TJP1: variants seen among roughly 807,000 people sequenced by gnomAD.
TJP1 encodes tight junction protein 1, also known as tight junction protein ZO-1.
Under a neutral mutation model 194.2 loss-of-function variants are expected in TJP1, and 43 were observed. The observed-to-expected ratio is 0.22, with a 90% confidence interval of 0.17 to 0.29. The LOEUF (loss-of-function observed/expected upper bound fraction) is 0.29, where lower values mean the gene tolerates loss of function less well. Ranked by LOEUF, TJP1 falls within the 10% of genes least tolerant of loss-of-function variation. The pLI is 1.00. For missense variants in TJP1, 1,971 were observed against 2,185.7 expected (o/e 0.90, Z 1.96); for synonymous variants, 801 against 779.0 (o/e 1.03, Z -0.47).
intron 2 of TJP1, among the ~76,000 whole-genome samples, chr15:29,845,442 T>C (rs898556163): frequency 2.0e-5 from 3 of 151,894 alleles, no homozygotes; most frequent in South Asian, 4.2e-4. Context: ...GATAACAATA[T>C]AGGTGGAGTG....
At chr15:29,922,649 T>C (rs2054402741) in intron 2 of TJP1, among the ~76,000 whole-genome samples, 1 of 152,110 alleles carries the variant, frequency 6.6e-6, no homozygotes, top group Non-Finnish European at 1.5e-5. Flanking sequence ...AGAATAAATA[T>C]TTTGAAGAGT....
At chr15:29,957,820 A>T (rs143632685) in intron 1 of TJP1, among the ~76,000 whole-genome samples, 1 of 152,334 alleles carries the variant, frequency 6.6e-6, no homozygotes, top group African/African-American at 2.4e-5. Flanking sequence ...ACATGCTGAT[A>T]GGTAATACCT....
intron 2 of TJP1, among the ~76,000 whole-genome samples, chr15:29,781,242 G>A (rs1021312548): frequency 6.6e-6 from 1 of 151,974 alleles, no homozygotes; most frequent in African/African-American, 2.4e-5. Flanking sequence ...ATAAATTCCT[G>A]GACAAACCCA....
rs1365150465 is a variant in TJP1 at position 29,708,802 on chromosome 15, G to A, written c.4607C>T (p.Ala1536Val). The change falls in exon 25 of 28, where the codon GCC (alanine) becomes GTC (valine). Residue 1536 changes from alanine (A) to valine (V), a missense_variant. Physicochemically the swap from Ala to Val is moderately conservative, Grantham distance 64 (BLOSUM62 0). This residue lies in a region of TJP1 where 1,108 missense variants were observed against 1,128.5 expected (regional missense o/e 0.98). Coordinates refer to ENST00000614355, the MANE Select transcript of TJP1 (RefSeq NM_001330239.4). Reference protein sequence around the residue: ...RFTPKPYTSSARPFERKFESP... With the variant: ...RFTPKPYTSSVRPFERKFESP... ...TTCAAACTTGCGTTCAAATGGTCGG[G>A]CAGAACTTGTATATGGTTTTGGTGT... The A allele has an allele frequency of 6.2e-7, 1 of 1,614,184 alleles. No individual in the cohort carries two copies. Among genetic ancestry groups the A allele is most frequent in the Admixed American group, 1.7e-5 (1 of 60,022 alleles).
rs1438923567 is a variant in TJP1 at position 29,822,150 on chromosome 15, G to A, written c.-122C>T. 2 of 1,190,514 alleles carry A rather than the reference G, an allele frequency of 1.7e-6. No homozygotes were observed. The highest frequency in any genetic ancestry group is 3.4e-5 in the East Asian group (1 of 29,054). 73.7% of individuals were successfully genotyped at this position (1,190,514 alleles called of 1,614,324 possible). Reference sequence around the variant, plus strand: ...CCGAGAGCGAGCGGGGCACGGGCGGGGGCGGCCGGAAGGGCCCGGCCCAGG... The same window carrying A: ...CCGAGAGCGAGCGGGGCACGGGCGGAGGCGGCCGGAAGGGCCCGGCCCAGG... On this transcript the variant is annotated 5_prime_UTR_variant, in exon 1 of 28. Coordinates refer to ENST00000614355, the MANE Select transcript of TJP1 (RefSeq NM_001330239.4).
chr15:29,814,464 TTACATAC>T (rs1253625437), intron 1 of TJP1, among the ~76,000 whole-genome samples: 1 of 152,166 alleles, frequency 6.6e-6, no homozygotes, highest in East Asian at 1.9e-4. Flanking sequence ...AATTTTAAAA[TTACATAC>T]TAAATTAAGT....
intron 1 of TJP1, among the ~76,000 whole-genome samples, chr15:29,815,624 T>A (rs541291282): frequency 5.7e-4 from 87 of 152,346 alleles, no homozygotes; most frequent in Admixed American, 1.2e-3. Context: ...GCACTACACA[T>A]GAATTTACAG....
At chr15:29,850,378 T>C (rs575898293) in intron 2 of TJP1, among the ~76,000 whole-genome samples, 1 of 152,254 alleles carries the variant, frequency 6.6e-6, no homozygotes, top group Admixed American at 6.5e-5. Flanking sequence ...TAGCCCAGGC[T>C]GGAGTGTAGT....
In TJP1 at chr15:29,732,767, G is replaced by A. The variant is rs756065514; in HGVS notation, c.1785C>T (p.Gly595=). Residue 595 remains glycine (G), a synonymous_variant, in exon 14 of 28, where the codon GGC becomes GGT. Coordinates refer to ENST00000614355, the MANE Select transcript of TJP1 (RefSeq NM_001330239.4). ...SVQYTLPKTA[G]GDRADFWRFR... ...ATCTCCAGAAGTCAGCACGGTCTCC[G>A]CCTGCTGTTTTTGGAAGTGTATACT... 29 of 1,613,752 alleles carry A rather than the reference G, an allele frequency of 1.8e-5. No homozygotes were observed. The East Asian group carries it at 2.2e-4, about 12-fold the overall frequency.
chr15:29,837,275 G>C (rs1340822941), intron 2 of TJP1, among the ~76,000 whole-genome samples: 2 of 152,172 alleles, frequency 1.3e-5, no homozygotes, highest in Non-Finnish European at 2.9e-5. Context: ...TGATACAGGA[G>C]TTTATTTTAA....
chr15:29,905,012 T>G (rs966557789), intron 2 of TJP1, among the ~76,000 whole-genome samples: 1 of 152,202 alleles, frequency 6.6e-6, no homozygotes, highest in African/African-American at 2.4e-5. Flanking sequence ...AGCATGGCCC[T>G]GCTACACCTT....
chr15:29,968,515 C>T (rs1406375421), intron 1 of TJP1, among the ~76,000 whole-genome samples: 1 of 149,814 alleles, frequency 6.7e-6, no homozygotes, highest in East Asian at 1.9e-4. Context: ...CTGCTGCGCC[C>T]CGCGCGGCGC....
chr15:29,882,642 T>G (rs1468314299), intron 2 of TJP1, among the ~76,000 whole-genome samples: 1 of 152,182 alleles, frequency 6.6e-6, no homozygotes, highest in Non-Finnish European at 1.5e-5. Flanking sequence ...GTTGGGCAAA[T>G]GAAGAGCAAC....
intron 18 of TJP1, among the ~76,000 whole-genome samples, chr15:29,720,972 A>G (rs745350445): frequency 6.6e-6 from 1 of 152,158 alleles, no homozygotes; most frequent in African/African-American, 2.4e-5. Context: ...CCAGCCCTGG[A>G]AGACAACGAA....
chr15:29,773,493 T>C (rs2046822115), intron 2 of TJP1, 136 bp from the exon 3 acceptor site: 1 of 758,722 alleles, frequency 1.3e-6, no homozygotes, highest in Admixed American at 2.7e-5. Flanking sequence ...CTCACCTGCA[T>C]GGTTACCTAT....
intron 2 of TJP1, among the ~76,000 whole-genome samples, chr15:29,904,546 C>A (rs1416053408): frequency 2.7e-5 from 4 of 148,474 alleles, no homozygotes; most frequent in Non-Finnish European, 6.0e-5. Context: ...TGGCTATAAA[C>A]AAATAATTTA....
At chr15:29,818,316 A>T (rs1293152069) in intron 1 of TJP1, among the ~76,000 whole-genome samples, 3 of 152,222 alleles carry the variant, frequency 2.0e-5, no homozygotes, top group Non-Finnish European at 4.4e-5. Context: ...CTGTGATTCA[A>T]CCAATGAAAT....
In TJP1 at chr15:29,701,580, C is replaced by T; in HGVS notation, c.*15G>A. ...AATCCAGTTTCACATTATTTAAGTT[C>T]CTATATTTCAAGAGTTAAAAGTGGT... is the stretch of plus-strand genomic sequence containing the variant. On this transcript the variant is annotated 3_prime_UTR_variant, in exon 28 of 28. Transcript: ENST00000614355. 4.4e-6 allele frequency: 7 copies of T among 1,591,024 alleles called. No homozygotes were observed. The highest frequency in any genetic ancestry group is 6.0e-6 in the Non-Finnish European group (7 of 1,159,430).
intron 18 of TJP1, among the ~76,000 whole-genome samples, chr15:29,721,495 G>A (rs1027591109): frequency 6.6e-6 from 1 of 152,154 alleles, no homozygotes; most frequent in East Asian, 1.9e-4. Context: ...GCAGAACTGT[G>A]AGCCAATGAA....
Sources: gnomAD v4.1 joint callset for allele counts (sites outside exome capture counted in the v4.1 genomes callset) on GRCh38, gnomAD v4.1.1 for gene constraint, gnomAD v4.1.1 regional missense constraint, MANE v1.5 for transcripts, NCBI Gene and HGNC (gene_info 2026-07-23, HGNC 2026-07-21) for gene names.